PTPRT: variants seen among roughly 807,000 people sequenced by gnomAD.
PTPRT encodes protein tyrosine phosphatase receptor type T, also known as receptor-type tyrosine-protein phosphatase T.
Under a neutral mutation model 176.8 loss-of-function variants are expected in PTPRT, and 56 were observed. The ratio of observed to expected loss-of-function variants is 0.32; its 90% CI spans 0.26 to 0.40. PTPRT has a LOEUF of 0.40. Among genes scored for constraint, PTPRT ranks in the 10% least tolerant of loss-of-function variants. PTPRT has a pLI of 1.00. For synonymous variants in PTPRT, 783 were observed against 739.0 expected (o/e 1.06, Z -0.96); for missense variants, 1,540 against 1,908.2 (o/e 0.81, Z 3.60).
intron 1 of PTPRT, among the ~76,000 whole-genome samples, chr20:42,912,531 A>G (rs773636411): frequency 2.2e-4 from 34 of 152,188 alleles, no homozygotes; most frequent in Non-Finnish European, 4.6e-4. Context: ...GTACATGTAC[A>G]TTGTTGAGTA....
intron 1 of PTPRT, among the ~76,000 whole-genome samples, chr20:42,922,771 CT>C (rs1285947756): frequency 6.6e-6 from 1 of 152,136 alleles, no homozygotes; most frequent in African/African-American, 2.4e-5. Context: ...ACACCTCAGC[CT>C]AGATTAGCTG....
chr20:42,823,129 A>G (rs1397976271), intron 2 of PTPRT, among the ~76,000 whole-genome samples: 2 of 152,196 alleles, frequency 1.3e-5, no homozygotes, highest in Non-Finnish European at 2.9e-5. Flanking sequence ...AAAGACATGG[A>G]GCCAACCCAA....
chr20:42,250,462 G>C (rs1171535697), intron 13 of PTPRT, among the ~76,000 whole-genome samples: 5 of 152,190 alleles, frequency 3.3e-5, no homozygotes, highest in Non-Finnish European at 7.3e-5. Context: ...AAAATGCACT[G>C]ATGTTTAAGC....
At chr20:43,103,494 G>C (rs1255722416) in intron 1 of PTPRT, among the ~76,000 whole-genome samples, 1 of 152,072 alleles carries the variant, frequency 6.6e-6, no homozygotes, top group East Asian at 1.9e-4. Flanking sequence ...GACACCAAAA[G>C]CTAACTGCAG....
intron 7 of PTPRT, among the ~76,000 whole-genome samples, chr20:42,613,870 C>T (rs548312450): frequency 3.3e-5 from 5 of 151,876 alleles, no homozygotes; most frequent in African/African-American, 7.2e-5. Context: ...GCTTTCAAAA[C>T]GTTTGCTTTC....
At chr20:42,672,557 C>A (rs1055217664) in intron 7 of PTPRT, among the ~76,000 whole-genome samples, 4 of 152,180 alleles carry the variant, frequency 2.6e-5, no homozygotes, top group African/African-American at 9.7e-5. Context: ...ATGGGAGTAT[C>A]ACCTTTGACT....
At chr20:43,117,704 T>C (rs2013110737) in intron 1 of PTPRT, among the ~76,000 whole-genome samples, 1 of 152,008 alleles carries the variant, frequency 6.6e-6, no homozygotes, top group South Asian at 2.1e-4. Flanking sequence ...AGTCTCAGAG[T>C]CAGTCCTGCA....
rs1202462510 is a variant in PTPRT at position 42,246,790 on chromosome 20, A to T, written c.2312+1897T>A. Among the ~76,000 whole-genome samples, 3 of 152,220 alleles carry T rather than the reference A, an allele frequency of 2.0e-5. No individual in the cohort carries two copies. In the South Asian group the frequency reaches 6.2e-4, roughly 32 times the overall value. The stretch of plus-strand genomic sequence containing the variant: ...AAAATTTCAGGTCTATCAAAGAGGT[A>T]TTCAGTTCCATTAATTTGGGTGGAC... On this transcript the variant is annotated intron_variant, in intron 14 of 30. Coordinates refer to ENST00000373187, the MANE Select transcript of PTPRT (RefSeq NM_007050.6).
chr20:42,325,927 C>T (rs114612084), intron 11 of PTPRT, among the ~76,000 whole-genome samples: 3 of 152,320 alleles, frequency 2.0e-5, no homozygotes, highest in Non-Finnish European at 2.9e-5. Flanking sequence ...CCCTTGCTCT[C>T]GCTATCCCCT....
chr20:42,883,679 G>A (rs1475179810), intron 2 of PTPRT, among the ~76,000 whole-genome samples: 34 of 8,300 alleles, frequency 4.1e-3, no homozygotes, highest in African/African-American at 6.7e-3. Context: ...ACAAACACAC[G>A]GACACACACA....
chr20:42,507,634 C>G (rs145965265), intron 7 of PTPRT, among the ~76,000 whole-genome samples: 1 of 152,100 alleles, frequency 6.6e-6, no homozygotes, highest in Non-Finnish European at 1.5e-5. Flanking sequence ...GCTTGGCCAG[C>G]GGTTGAGTCT....
At chr20:42,168,931 T>C (rs1377894701) in intron 16 of PTPRT, among the ~76,000 whole-genome samples, 1 of 152,180 alleles carries the variant, frequency 6.6e-6, no homozygotes, top group East Asian at 1.9e-4. Flanking sequence ...ACCAAACACA[T>C]AGTAGGGTTG....
intron 2 of PTPRT, among the ~76,000 whole-genome samples, chr20:42,860,754 A>C (rs1052211351): frequency 2.6e-5 from 4 of 152,182 alleles, no homozygotes; most frequent in African/African-American, 9.7e-5. Flanking sequence ...ATTGGGCTCT[A>C]ATAGTTTTTC....
chr20:42,596,429 A>G (rs6102923), intron 7 of PTPRT, among the ~76,000 whole-genome samples: 18,786 of 152,262 alleles, frequency 0.12, 1,255 homozygotes, highest in South Asian at 0.15. Context: ...TTTCCTTCCC[A>G]CTTCCATACG....
intron 7 of PTPRT, among the ~76,000 whole-genome samples, chr20:42,496,143 T>C (rs1168551947): frequency 1.3e-5 from 2 of 152,136 alleles, no homozygotes; most frequent in African/African-American, 2.4e-5. Flanking sequence ...TTCATTTTCA[T>C]TGTCTTCCTA....
At position 42,771,469 on chromosome 20, in the gene PTPRT, C is replaced by T. The variant is rs2077061236; in HGVS notation, c.650G>A (p.Gly217Glu). 1 of 1,613,992 alleles carries T rather than the reference C, an allele frequency of 6.2e-7. No individual in the cohort carries two copies. Among genetic ancestry groups the T allele is most frequent in the African/African-American group, 1.3e-5 (1 of 74,924 alleles). The change falls in exon 5 of 31, where the codon GGG becomes GAG. Residue 217 changes from glycine (G) to glutamate (E), a missense_variant. By Grantham distance (98) the Gly-to-Glu change is moderately conservative. Coordinates refer to ENST00000373187, the MANE Select transcript of PTPRT (RefSeq NM_007050.6). ...AAGCTTGTCATGCTGAGACCACTTC[C>T]CACCAGCAATGCACTGAAATGTGGC... ...QNATFQCIAGGKWSQHDKLWL... is the reference protein window; with the variant it reads ...QNATFQCIAGEKWSQHDKLWL...
intron 1 of PTPRT, among the ~76,000 whole-genome samples, chr20:43,141,218 C>A (rs1165215731): frequency 1.3e-5 from 2 of 152,244 alleles, no homozygotes; most frequent in African/African-American, 4.8e-5. Flanking sequence ...CTACCCCCAA[C>A]ATTCAGTGGC....
At chr20:42,470,496 A>C (rs1308346205) in intron 8 of PTPRT, among the ~76,000 whole-genome samples, 3 of 152,080 alleles carry the variant, frequency 2.0e-5, no homozygotes, top group African/African-American at 4.8e-5. Context: ...ACGAATCTTC[A>C]TCTGAGTCTG....
chr20:43,100,289 A>C (rs764262847), intron 1 of PTPRT, among the ~76,000 whole-genome samples: 5 of 152,158 alleles, frequency 3.3e-5, no homozygotes, highest in Non-Finnish European at 7.3e-5. Flanking sequence ...AGGCAGGAGA[A>C]TTACTTGAAC....
Sources: gnomAD v4.1 joint callset for allele counts (sites outside exome capture counted in the v4.1 genomes callset) on GRCh38, gnomAD v4.1.1 for gene constraint, MANE v1.5 for transcripts, NCBI Gene and HGNC (gene_info 2026-07-23, HGNC 2026-07-21) for gene names.